OR8H2: variants seen among roughly 807,000 people sequenced by gnomAD.
OR8H2 encodes olfactory receptor family 8 subfamily H member 2.
For synonymous variants in OR8H2, 157 were observed against 139.2 expected (o/e 1.13, Z -0.90); for missense variants, 374 against 371.1 (o/e 1.01, Z -0.06).
In OR8H2 at chr11:56,106,185, ATG is replaced by A; in HGVS notation, c.*210_*211del. The A allele has an allele frequency of 4.7e-6, 2 of 422,722 alleles. No individual in the cohort carries two copies. The highest frequency in any genetic ancestry group is 4.2e-6 in the Non-Finnish European group (1 of 239,720). The allele number at this position is 422,722 out of a possible 1,614,324, so 26.2% of individuals were successfully genotyped here. ...CCAAATGGTAATTAGAAATCATAATATGTGTGTCATGTTTTCAGTCTACATAT... is the reference window on the plus strand; with the variant it reads ...CCAAATGGTAATTAGAAATCATAATATGTGTCATGTTTTCAGTCTACATAT... On this transcript the variant is annotated 3_prime_UTR_variant, in exon 2 of 2. Transcript: ENST00000313503.
In OR8H2 at chr11:56,103,786, T is replaced by C. The variant is rs985205143; in HGVS notation, c.-373T>C. 58 of 152,192 alleles carry C rather than the reference T, an allele frequency of 3.8e-4. No individual in the cohort carries two copies. The highest frequency in any genetic ancestry group is 1.3e-3 in the African/African-American group (54 of 41,464). The allele number at this position is 152,192 out of a possible 1,614,324, so 9.4% of individuals were successfully genotyped here. On this transcript the variant is annotated 5_prime_UTR_variant, in exon 1 of 2. Coordinates refer to ENST00000313503, the MANE Select transcript of OR8H2 (RefSeq NM_001386064.1). ...TAGACCAGAACCTAAACAAAATTTC[T>C]AGATTGGTTTATTTTAACTCAGAAT...
intron 1 of OR8H2, among the ~76,000 whole-genome samples, chr11:56,104,362 A>G (rs1204089618): frequency 1.3e-5 from 2 of 152,090 alleles, no homozygotes; most frequent in Non-Finnish European, 2.9e-5. Context: ...AGTAAATGAT[A>G]TAATAAAACG....
In OR8H2 at chr11:56,105,853, G is replaced by A; in HGVS notation, c.811G>A (p.Asp271Asn). The A allele has an allele frequency of 6.2e-7, 1 of 1,612,516 alleles. No individual in the cohort carries two copies. Among genetic ancestry groups the A allele is most frequent in the Non-Finnish European group, 8.5e-7 (1 of 1,178,638 alleles). The change falls in exon 2 of 2, where the codon GAT (aspartate) becomes AAT (asparagine). Residue 271 changes from aspartate (D) to asparagine (N), a missense_variant. Transcript: ENST00000313503. ...KPRKSYSLGR[D>N]QVASVFYTIV... ...AAGAAAGTCTTATTCCTTGGGAAGA[G>A]ATCAAGTGGCTTCTGTTTTTTATAC...
At position 56,103,886 on chromosome 11, in the gene OR8H2, C is replaced by T. The variant is rs750233474; in HGVS notation, c.-273C>T. The T allele has an allele frequency of 3.3e-5, 5 of 152,042 alleles. No individual in the cohort carries two copies. The highest frequency in any genetic ancestry group is 7.4e-5 in the Non-Finnish European group (5 of 68,010). 9.4% of individuals were successfully genotyped at this position (152,042 alleles called of 1,614,324 possible). ...ATAAATATTATAAAAAATTCATTTCCTCAGTTTTCATATTTTATTTATAAC... is the reference window on the plus strand; with the variant it reads ...ATAAATATTATAAAAAATTCATTTCTTCAGTTTTCATATTTTATTTATAAC... On this transcript the variant is annotated 5_prime_UTR_variant, in exon 1 of 2. Transcript: ENST00000313503.
Position 56,107,189 on chromosome 11 carries a change from G to A in OR8H2, c.*1208G>A, listed in dbSNP as rs1412390835. On this transcript the variant is annotated 3_prime_UTR_variant, in exon 2 of 2. Coordinates refer to ENST00000313503, the MANE Select transcript of OR8H2 (RefSeq NM_001386064.1). ...TCACCAACTTACAAATCTACATGCAGTGATATCTCTTTTGCGTGCAAAACT... is the reference window on the plus strand; with the variant it reads ...TCACCAACTTACAAATCTACATGCAATGATATCTCTTTTGCGTGCAAAACT... 3 of 151,852 alleles carry A rather than the reference G, an allele frequency of 2.0e-5. No individual in the cohort carries two copies. The highest frequency in any genetic ancestry group is 4.4e-5 in the Non-Finnish European group (3 of 67,792). 9.4% of individuals were successfully genotyped at this position (151,852 alleles called of 1,614,324 possible).
chr11:56,104,089 T>C (rs1854014701), intron 1 of OR8H2, 102 bp downstream of exon 1: 1 of 152,018 alleles, frequency 6.6e-6, no homozygotes, highest in Non-Finnish European at 1.5e-5. Flanking sequence ...CATACACATA[T>C]CATTTAGTCT....
chr11:56,104,849 T>G (rs1358581615), intron 1 of OR8H2, 23 bp from the exon 2 acceptor site: 2 of 396,684 alleles, frequency 5.0e-6, no homozygotes, highest in East Asian at 3.4e-5. Context: ...TTTTTTTTGT[T>G]TGTTTTTTGT....
At chr11:56,104,618 G>A (rs1325617108) in intron 1 of OR8H2, among the ~76,000 whole-genome samples, 2 of 152,100 alleles carry the variant, frequency 1.3e-5, no homozygotes, top group African/African-American at 4.8e-5. Context: ...TGGATTCAAT[G>A]TGTTAATAAA....
At position 56,107,365 on chromosome 11, in the gene OR8H2, T is replaced by C. The variant is rs1440273908; in HGVS notation, c.*1384T>C. 6.6e-6 allele frequency: 1 copy of C among 152,014 alleles called. No individual in the cohort carries two copies. Among genetic ancestry groups the C allele is most frequent in the Non-Finnish European group, 1.5e-5 (1 of 67,840 alleles). The allele number at this position is 152,014 out of a possible 1,614,324, so 9.4% of individuals were successfully genotyped here. A position where few individuals can be genotyped will look rare whatever the true frequency, so the allele number is the denominator to read the frequency against. ...CTCCTTGACTTAAATGCTTTATTCA[T>C]TGATTTTAAATTTCTTAATACAGAA... On this transcript the variant is annotated 3_prime_UTR_variant, in exon 2 of 2. Transcript: ENST00000313503.
rs1489443188 is a variant in OR8H2 at position 56,103,870 on chromosome 11, AT to A, written c.-288del. The A allele has an allele frequency of 1.3e-5, 2 of 151,150 alleles. No homozygotes were observed. Among genetic ancestry groups the A allele is most frequent in the Admixed American group, 6.6e-5 (1 of 15,180 alleles). The allele number at this position is 151,150 out of a possible 1,614,324, so 9.4% of individuals were successfully genotyped here. ...ACTTATCTCAAGTAAAATAAATATTATAAAAAATTCATTTCCTCAGTTTTCA... is the reference window on the plus strand; with the variant it reads ...ACTTATCTCAAGTAAAATAAATATTAAAAAAATTCATTTCCTCAGTTTTCA... On this transcript the variant is annotated 5_prime_UTR_variant, in exon 1 of 2. Transcript: ENST00000313503.
At position 56,104,871 on chromosome 11, in the gene OR8H2, G is replaced by A. The variant is rs139589764; in HGVS notation, c.-171-1G>A. 646 of 483,730 alleles carry A rather than the reference G, an allele frequency of 1.3e-3. 6 individuals carry two copies. The East Asian group carries it at 0.019, about 14-fold the overall frequency. 30.0% of individuals were successfully genotyped at this position (483,730 alleles called of 1,614,324 possible). A position where few individuals can be genotyped will look rare whatever the true frequency, so the allele number is the denominator to read the frequency against. On this transcript the variant is annotated splice_acceptor_variant, in intron 1 of 1. Coordinates refer to ENST00000313503, the MANE Select transcript of OR8H2 (RefSeq NM_001386064.1). LOFTEE classifies it low-confidence loss of function (5UTR_SPLICE). ...TGTTTGTTTTTTGTTTTTTGAGTCAGAGTCTGGCACAGTCGCCAGGGCTGG... is the reference window on the plus strand; with the variant it reads ...TGTTTGTTTTTTGTTTTTTGAGTCAAAGTCTGGCACAGTCGCCAGGGCTGG...
Position 56,105,868 on chromosome 11 carries a change from G to GT in OR8H2, c.832dup (p.Tyr278LeufsTer14), listed in dbSNP as rs1304557975. On this transcript the variant is annotated frameshift_variant, in exon 2 of 2. Transcript: ENST00000313503. LOFTEE classifies it low-confidence loss of function (END_TRUNC). The stretch of plus-strand genomic sequence containing the variant: ...CTTGGGAAGAGATCAAGTGGCTTCT[G>GT]TTTTTTATACTATTGTGATTCCCGT... 10 of 1,612,112 alleles carry GT rather than the reference G, an allele frequency of 6.2e-6. No homozygotes were observed. Among genetic ancestry groups the GT allele is most frequent in the East Asian group, 4.5e-5 (2 of 44,838 alleles).
Position 56,105,219 on chromosome 11 carries a change from CATGT to C in OR8H2, c.180_183del (p.Met60IlefsTer23). On this transcript the variant is annotated frameshift_variant, in exon 2 of 2. Coordinates refer to ENST00000313503, the MANE Select transcript of OR8H2 (RefSeq NM_001386064.1). LOFTEE classifies it low-confidence loss of function (END_TRUNC). ...GCCTGGACCTCCAGCTTCACACTCCCATGTATTTTTTCCTTACTCACCTGTCATT... is the reference window on the plus strand; with the variant it reads ...GCCTGGACCTCCAGCTTCACACTCCCATTTTTTCCTTACTCACCTGTCATT... 6.2e-7 allele frequency: 1 copy of C among 1,614,182 alleles called. No homozygotes were observed. Among genetic ancestry groups the C allele is most frequent in the Non-Finnish European group, 8.5e-7 (1 of 1,180,034 alleles).
Position 56,104,863 on chromosome 11 carries a change from TTG to T in OR8H2, c.-171-8_-171-7del. On this transcript the variant is annotated splice_polypyrimidine_tract_variant and splice_region_variant and intron_variant, in intron 1 of 1. Coordinates refer to ENST00000313503, the MANE Select transcript of OR8H2 (RefSeq NM_001386064.1). ...TTTTTTTTTGTTTGTTTTTTGTTTT[TTG>T]AGTCAGAGTCTGGCACAGTCGCCAG... The T allele has an allele frequency of 4.2e-6, 2 of 475,220 alleles. No individual in the cohort carries two copies. Among genetic ancestry groups the T allele is most frequent in the Non-Finnish European group, 7.3e-6 (2 of 272,764 alleles). The allele number at this position is 475,220 out of a possible 1,614,324, so 29.4% of individuals were successfully genotyped here.
rs1355028076 is a variant in OR8H2, at chr11:56,106,123, T to C, written c.*142T>C. On this transcript the variant is annotated 3_prime_UTR_variant, in exon 2 of 2. Coordinates refer to ENST00000313503, the MANE Select transcript of OR8H2 (RefSeq NM_001386064.1). ...GTGCTACCCTTTGCTTCACTAAACA[T>C]GATTTTAAACATTTCAAGGCATATG... The C allele has an allele frequency of 1.7e-6, 1 of 595,046 alleles. No individual in the cohort carries two copies. The highest frequency in any genetic ancestry group is 1.9e-5 in the African/African-American group (1 of 53,636). 36.9% of individuals were successfully genotyped at this position (595,046 alleles called of 1,614,324 possible). A position where few individuals can be genotyped will look rare whatever the true frequency, so the allele number is the denominator to read the frequency against.
At position 56,105,255 on chromosome 11, in the gene OR8H2, C is replaced by T. The variant is rs371952790; in HGVS notation, c.213C>T (p.Asp71=). 203 of 1,614,060 alleles carry T rather than the reference C, an allele frequency of 1.3e-4. No homozygotes were observed. Among genetic ancestry groups the T allele is most frequent in the Non-Finnish European group, 1.6e-4 (183 of 1,180,036 alleles). The change falls in exon 2 of 2, where the codon GAC becomes GAT. Residue 71 remains aspartate (D), a synonymous_variant. Transcript: ENST00000313503. ...TCCTTACTCACCTGTCATTTATTGACCTCAGTTACTCAACTGTCGTCACAC... is the reference window on the plus strand; with the variant it reads ...TCCTTACTCACCTGTCATTTATTGATCTCAGTTACTCAACTGTCGTCACAC... ...YFFLTHLSFI[D]LSYSTVVTPK...
At position 56,104,969 on chromosome 11, in the gene OR8H2, C is replaced by T; in HGVS notation, c.-74C>T. On this transcript the variant is annotated 5_prime_UTR_variant, in exon 2 of 2. Transcript: ENST00000313503. Reference sequence around the variant, plus strand: ...TCAAGCAATTCTCCTGCCTCAGCTTCTCCAGTAGCTGGGATTACAGGCGCC... The same window carrying T: ...TCAAGCAATTCTCCTGCCTCAGCTTTTCCAGTAGCTGGGATTACAGGCGCC... The T allele has an allele frequency of 1.5e-6, 2 of 1,312,300 alleles. No homozygotes were observed. The highest frequency in any genetic ancestry group is 2.1e-6 in the Non-Finnish European group (2 of 941,166). 81.3% of individuals were successfully genotyped at this position (1,312,300 alleles called of 1,614,324 possible).
Position 56,105,767 on chromosome 11 carries a change from T to C in OR8H2, c.725T>C (p.Val242Ala). Reference protein sequence around the residue: ...SGKQKAFSTCVSHLLGVTIFY... With the variant: ...SGKQKAFSTCASHLLGVTIFY... ...AAGCAGAAAGCTTTCTCTACTTGCG[T>C]CTCTCATCTCTTGGGAGTCACCATC... Residue 242 changes from valine to alanine, a missense_variant, in exon 2 of 2, where the codon GTC becomes GCC. Physicochemically the swap from Val to Ala is moderately conservative, Grantham distance 64. Coordinates refer to ENST00000313503, the MANE Select transcript of OR8H2 (RefSeq NM_001386064.1). 6.2e-7 allele frequency: 1 copy of C among 1,613,904 alleles called. No individual in the cohort carries two copies. The highest frequency in any genetic ancestry group is 8.5e-7 in the Non-Finnish European group (1 of 1,179,794).
intron 1 of OR8H2, among the ~76,000 whole-genome samples, chr11:56,104,620 G>A (rs1347261729): frequency 1.3e-5 from 2 of 152,048 alleles, no homozygotes; most frequent in African/African-American, 4.8e-5. Flanking sequence ...GATTCAATGT[G>A]TTAATAAAGG....
Sources: allele counts gnomAD v4.1 joint callset (sites outside exome capture counted in the v4.1 genomes callset), GRCh38; gene constraint gnomAD v4.1.1; transcripts MANE v1.5; gene names NCBI Gene and HGNC (gene_info 2026-07-23, HGNC 2026-07-21).